The following DIP2B variants were observed in gnomAD, a reference collection of about 807,000 sequenced individuals.
The protein encoded by DIP2B is DIP2 acetate--CoA ligase B (putative), also known as disco-interacting protein 2 homolog B.
Under a neutral mutation model 198.0 loss-of-function variants are expected in DIP2B, and 76 were observed. The ratio of observed to expected loss-of-function variants is 0.38; its 90% CI spans 0.32 to 0.46. The LOEUF (loss-of-function observed/expected upper bound fraction) is 0.46. DIP2B is among the 20% of genes least tolerant of loss of function. The pLI is 0.99. For synonymous variants in DIP2B, 701 were observed against 739.1 expected, an observed-to-expected ratio of 0.95 and a Z score of 0.84; for missense variants, 1,559 against 1,978.4, an observed-to-expected ratio of 0.79 and a Z score of 4.02.
chr12:50,675,721 T>C (rs1938934845), intron 7 of DIP2B, among the ~76,000 whole-genome samples: 3 of 152,204 alleles, frequency 2.0e-5, no homozygotes, highest in African/African-American at 7.2e-5. Flanking sequence ...AATTAGGAAC[T>C]ATCCCAAATA....
At chr12:50,647,974 C>T (rs1015884135) in intron 3 of DIP2B, among the ~76,000 whole-genome samples, 2 of 152,114 alleles carry the variant, frequency 1.3e-5, no homozygotes, top group South Asian at 2.1e-4. Context: ...GGCGTGGTGG[C>T]GTGCGCCTGT....
intron 1 of DIP2B, among the ~76,000 whole-genome samples, chr12:50,578,555 G>A (rs1013942715): frequency 3.5e-5 from 5 of 142,878 alleles, no homozygotes; most frequent in African/African-American, 1.3e-4. Context: ...TGGCCCAGGC[G>A]GGAGTGCAGT....
At chr12:50,723,157 T>C in intron 26 of DIP2B, 45 bp from the exon 27 acceptor site, 3 of 1,612,126 alleles carry the variant, frequency 1.9e-6, no homozygotes, top group Non-Finnish European at 2.5e-6. Flanking sequence ...CTCAGTGCTC[T>C]TAGGCAGTTC....
intron 1 of DIP2B, among the ~76,000 whole-genome samples, chr12:50,540,695 C>A (rs540008896): frequency 1.6e-3 from 245 of 151,964 alleles, no homozygotes; most frequent in Non-Finnish European, 2.5e-3. Context: ...ACTACAGGTG[C>A]CCGCCACGGC....
At chr12:50,717,817 G>A (rs1243410213) in intron 23 of DIP2B, among the ~76,000 whole-genome samples, 2 of 150,940 alleles carry the variant, frequency 1.3e-5, no homozygotes, top group African/African-American at 4.9e-5. Flanking sequence ...CAAACTCCTC[G>A]GCTCAAGTGA....
At chr12:50,648,642 C>T (rs536762857) in intron 3 of DIP2B, among the ~76,000 whole-genome samples, 232 of 147,792 alleles carry the variant, frequency 1.6e-3, no homozygotes, top group Non-Finnish European at 2.1e-3. Flanking sequence ...GGATTACAGG[C>T]GTGAGCCACC....
At chr12:50,569,800 T>C (rs1958597646) in intron 1 of DIP2B, among the ~76,000 whole-genome samples, 1 of 152,196 alleles carries the variant, frequency 6.6e-6, no homozygotes, top group Non-Finnish European at 1.5e-5. Context: ...AGATTTTGCT[T>C]TTGCAATTAT....
intron 3 of DIP2B, among the ~76,000 whole-genome samples, chr12:50,658,838 C>G (rs887024796): frequency 6.6e-6 from 1 of 152,152 alleles, no homozygotes; most frequent in Non-Finnish European, 1.5e-5. Flanking sequence ...CCTGTAATCC[C>G]AGCACTTTAG....
intron 30 of DIP2B, 62 bp downstream of exon 30, chr12:50,728,740 C>T: frequency 6.4e-7 from 1 of 1,571,886 alleles, no homozygotes; most frequent in South Asian, 1.2e-5. Context: ...CCATGGCCAT[C>T]TCATCCTTCC....
chr12:50,724,100 G>A (rs1939888428), intron 27 of DIP2B, among the ~76,000 whole-genome samples: 1 of 152,204 alleles, frequency 6.6e-6, no homozygotes, highest in Admixed American at 6.5e-5. Flanking sequence ...TGCTCTGTCA[G>A]CAAAAATGGA....
At chr12:50,589,052 C>T (rs938370248) in intron 1 of DIP2B, among the ~76,000 whole-genome samples, 3 of 151,340 alleles carry the variant, frequency 2.0e-5, no homozygotes, top group Non-Finnish European at 3.0e-5. Flanking sequence ...GGTGTGGTGG[C>T]GGGCACCTGT....
intron 1 of DIP2B, among the ~76,000 whole-genome samples, chr12:50,572,949 A>C (rs1350651864): frequency 6.6e-6 from 1 of 152,222 alleles, no homozygotes; most frequent in East Asian, 1.9e-4. Context: ...GAATATGCCC[A>C]GTGTCAGCAT....
chr12:50,519,105 T>G (rs1958092503), intron 1 of DIP2B, among the ~76,000 whole-genome samples: 1 of 152,188 alleles, frequency 6.6e-6, no homozygotes, highest in Admixed American at 6.5e-5. Flanking sequence ...AATGGGAATG[T>G]TCTATCTTAT....
rs553761328 is a variant in DIP2B, at chr12:50,745,221, G to A, written c.*382G>A. 10 of 221,936 alleles carry A rather than the reference G, an allele frequency of 4.5e-5. No homozygotes were observed. Among genetic ancestry groups the A allele is most frequent in the South Asian group, 2.0e-4 (3 of 15,132 alleles). 13.7% of individuals were successfully genotyped at this position (221,936 alleles called of 1,614,324 possible). Reference sequence around the variant, plus strand: ...TCTGAGTGACACAGTTCCCCACTCCGTACTGTATTTTGCCATTCTGCCGTA... The same window carrying A: ...TCTGAGTGACACAGTTCCCCACTCCATACTGTATTTTGCCATTCTGCCGTA... On this transcript the variant is annotated 3_prime_UTR_variant, in exon 38 of 38. Transcript: ENST00000301180.
At chr12:50,555,115 C>T (rs1374546772) in intron 1 of DIP2B, among the ~76,000 whole-genome samples, 6 of 152,084 alleles carry the variant, frequency 3.9e-5, no homozygotes, top group Admixed American at 2.0e-4. Context: ...TATTCTTGCC[C>T]TCAACTCTTC....
intron 23 of DIP2B, among the ~76,000 whole-genome samples, chr12:50,716,957 G>GTTTTTT (rs1592140618): frequency 1.0e-3 from 8 of 7,786 alleles, no homozygotes; most frequent in East Asian, 0.01. Context: ...ACGAATTGTT[G>GTTTTTT]CTTTTTTTTT....
At position 50,678,874 on chromosome 12, in the gene DIP2B, A is replaced by T; in HGVS notation, c.1112A>T (p.Tyr371Phe). 6.2e-7 allele frequency: 1 copy of T among 1,614,186 alleles called. No homozygotes were observed. Among genetic ancestry groups the T allele is most frequent in the Non-Finnish European group, 8.5e-7 (1 of 1,180,014 alleles). The change falls in exon 8 of 38, where the codon TAT becomes TTT. Residue 371 changes from tyrosine (Y) to phenylalanine (F), a missense_variant and splice_region_variant. Tyr to Phe is a conservative substitution (Grantham distance 22). Coordinates refer to ENST00000301180, the MANE Select transcript of DIP2B (RefSeq NM_173602.3). ...GGGAAACCAGTTTACACTCTTACATATGGTGAGTCTGCAAGATTCCAGATC... is the reference window on the plus strand; with the variant it reads ...GGGAAACCAGTTTACACTCTTACATTTGGTGAGTCTGCAAGATTCCAGATC... Reference protein sequence around the residue: ...MTGKPVYTLTYGKLWSRSLKL... With the variant: ...MTGKPVYTLTFGKLWSRSLKL...
In DIP2B at chr12:50,678,858, G is replaced by A. The variant is rs994099927; in HGVS notation, c.1096G>A (p.Val366Ile). The change falls in exon 8 of 38, where the codon GTT becomes ATT. Residue 366 changes from valine (V) to isoleucine (I), a missense_variant. Coordinates refer to ENST00000301180, the MANE Select transcript of DIP2B (RefSeq NM_173602.3). ...LTALDMTGKPVYTLTYGKLWS... is the reference protein window; with the variant it reads ...LTALDMTGKPIYTLTYGKLWS... ...TGCACTGGACATGACAGGGAAACCA[G>A]TTTACACTCTTACATATGGTGAGTC... The A allele has an allele frequency of 1.4e-5, 23 of 1,614,046 alleles. No individual in the cohort carries two copies. Among genetic ancestry groups the A allele is most frequent in the Non-Finnish European group, 1.9e-5 (22 of 1,180,034 alleles).
intron 34 of DIP2B, among the ~76,000 whole-genome samples, chr12:50,736,674 C>T (rs915669568): frequency 2.0e-5 from 3 of 152,186 alleles, no homozygotes; most frequent in Non-Finnish European, 4.4e-5. Flanking sequence ...AAGGGTTTCA[C>T]TGCCATCATT....
Sources: allele counts gnomAD v4.1 joint callset (sites outside exome capture counted in the v4.1 genomes callset), GRCh38; gene constraint gnomAD v4.1.1; transcripts MANE v1.5; gene names NCBI Gene and HGNC (gene_info 2026-07-23, HGNC 2026-07-21).